Variants in FAM174A observed in about 807,000 individuals in gnomAD.
FAM174A encodes the protein family with sequence similarity 174 member A.
In FAM174A, 14 loss-of-function variants were observed where a neutral mutation model predicts 14.3. The observed-to-expected ratio is 0.98, with a 90% confidence interval of 0.65 to 1.53. FAM174A has a LOEUF of 1.53. FAM174A is among the 40% of genes most tolerant of loss of function. FAM174A has a pLI of 0.00. For synonymous variants in FAM174A, 108 were observed against 111.4 expected, an observed-to-expected ratio of 0.97 and a Z score of 0.19; for missense variants, 241 against 249.6, an observed-to-expected ratio of 0.97 and a Z score of 0.23.
chr5:100,566,140 T>TGATA (rs1178525666), intron 2 of FAM174A, among the ~76,000 whole-genome samples: 88 of 8,076 alleles, frequency 0.011, 4 homozygotes, highest in South Asian at 0.04. Context: ...TTGAAAAGTA[T>TGATA]GATATATATA....
intron 1 of FAM174A, among the ~76,000 whole-genome samples, chr5:100,547,005 G>A (rs1320146917): frequency 6.6e-6 from 1 of 151,928 alleles, no homozygotes; most frequent in Non-Finnish European, 1.5e-5. Flanking sequence ...ATGTTCCTGT[G>A]TGCATATATA....
At chr5:100,584,506 A>T (rs185041692) in intron 2 of FAM174A, among the ~76,000 whole-genome samples, 260 of 151,718 alleles carry the variant, frequency 1.7e-3, no homozygotes, top group Non-Finnish European at 2.3e-3. Context: ...TTTAAGCCAA[A>T]CCTCTTTCTG....
At chr5:100,560,314 G>A (rs1746498489) in intron 1 of FAM174A, among the ~76,000 whole-genome samples, 1 of 152,090 alleles carries the variant, frequency 6.6e-6, no homozygotes, top group Non-Finnish European at 1.5e-5. Flanking sequence ...ACATATACAT[G>A]TTAATGTAAC....
rs545921086 is a variant in FAM174A at position 100,568,969 on chromosome 5, A to G, written c.569+6781A>G. Among the ~76,000 whole-genome samples the G allele has an allele frequency of 2.2e-4, 34 of 151,954 alleles. No individual in the cohort carries two copies. In the East Asian group the frequency reaches 5.6e-3, roughly 25 times the overall value. The stretch of plus-strand genomic sequence containing the variant: ...TTTATTTTATAAGGAAAACACTAAC[A>G]TGCTTCCAAAAGTTAATACTATACA... On this transcript the variant is annotated intron_variant, in intron 2 of 2. Coordinates refer to ENST00000312637, the MANE Select transcript of FAM174A (RefSeq NM_198507.3).
intron 2 of FAM174A, among the ~76,000 whole-genome samples, chr5:100,569,838 A>G (rs1746739000): frequency 6.8e-6 from 1 of 146,900 alleles, no homozygotes; most frequent in African/African-American, 2.6e-5. Flanking sequence ...ATATATGGAG[A>G]TATATATATA....
At chr5:100,552,517 C>G (rs1377400530) in intron 1 of FAM174A, among the ~76,000 whole-genome samples, 1 of 151,802 alleles carries the variant, frequency 6.6e-6, no homozygotes, top group Non-Finnish European at 1.5e-5. Context: ...GTAGATACAG[C>G]AAATTACAGC....
At position 100,562,612 on chromosome 5, in the gene FAM174A, GTGTT is replaced by G. The variant is rs1005499550; in HGVS notation, c.569+428_569+431del. On this transcript the variant is annotated intron_variant, in intron 2 of 2. Coordinates refer to ENST00000312637, the MANE Select transcript of FAM174A (RefSeq NM_198507.3). ...TGTGCATGTGTGTTTGTGTGCGTGT[GTGTT>G]TGTGTGTGTGTGTGTGAGAGAGAAA... Among the ~76,000 whole-genome samples, 47 of 151,750 alleles carry G rather than the reference GTGTT, an allele frequency of 3.1e-4. No homozygotes were observed. The East Asian group carries it at 7.0e-3, about 23-fold the overall frequency.
At chr5:100,580,026 A>G (rs1174414061) in intron 2 of FAM174A, among the ~76,000 whole-genome samples, 1 of 152,220 alleles carries the variant, frequency 6.6e-6, no homozygotes, top group Non-Finnish European at 1.5e-5. Flanking sequence ...ACACAAAAAA[A>G]TTCGCTTCAG....
At chr5:100,574,430 C>T (rs748641464) in intron 2 of FAM174A, among the ~76,000 whole-genome samples, 4 of 152,044 alleles carry the variant, frequency 2.6e-5, no homozygotes, top group African/African-American at 7.2e-5. Flanking sequence ...TCAGGTGATC[C>T]ACCCGCCTCG....
At chr5:100,537,175 G>A (rs573820834) in intron 1 of FAM174A, among the ~76,000 whole-genome samples, 14 of 152,242 alleles carry the variant, frequency 9.2e-5, no homozygotes, top group East Asian at 3.9e-4. Context: ...ATATCTGTGC[G>A]AAGATGGAAT....
intron 1 of FAM174A, 104 bp downstream of exon 1, chr5:100,536,068 C>G: frequency 1.0e-6 from 1 of 1,001,960 alleles, no homozygotes; most frequent in Non-Finnish European, 1.4e-6. Flanking sequence ...TCCCCAGCAT[C>G]AGGGACTCCT....
chr5:100,581,435 T>C (rs1432731614), intron 2 of FAM174A: 16 of 962,906 alleles, frequency 1.7e-5, no homozygotes, highest in Non-Finnish European at 2.0e-5. Flanking sequence ...AGTTATTTTT[T>C]TAAAGATATA....
At position 100,535,838 on chromosome 5, in the gene FAM174A, G is replaced by T. The variant is rs1011149361; in HGVS notation, c.308G>T (p.Gly103Val). ...TDDHGGKAGE[G>V]SVGGGLAVSP... is the part of the protein sequence containing the mutation. ...GATCACGGAGGGAAGGCCGGGGAAG[G>T]CTCGGTGGGTGGCGGCCTTGCTGTG... Residue 103 changes from glycine (G) to valine (V), a missense_variant, in exon 1 of 3, where the codon GGC becomes GTC. Coordinates refer to ENST00000312637, the MANE Select transcript of FAM174A (RefSeq NM_198507.3). 2.5e-6 allele frequency: 4 copies of T among 1,611,642 alleles called. No individual in the cohort carries two copies. The highest frequency in any genetic ancestry group is 2.7e-5 in the African/African-American group (2 of 74,934).
intron 1 of FAM174A, among the ~76,000 whole-genome samples, chr5:100,556,748 G>C (rs1746393298): frequency 6.6e-6 from 1 of 152,110 alleles, no homozygotes; most frequent in Non-Finnish European, 1.5e-5. Flanking sequence ...CCGTTTGTCT[G>C]TTATTGATGT....
At chr5:100,562,616 TTGTG>T (rs964745497) in intron 2 of FAM174A, among the ~76,000 whole-genome samples, 7 of 149,906 alleles carry the variant, frequency 4.7e-5, no homozygotes, top group South Asian at 4.2e-4. Context: ...GCGTGTGTGT[TTGTG>T]TGTGTGTGTG....
At chr5:100,582,114 A>C (rs1477179895) in intron 2 of FAM174A, among the ~76,000 whole-genome samples, 2 of 152,156 alleles carry the variant, frequency 1.3e-5, no homozygotes. Context: ...ATGAAACTGC[A>C]ATTTTGATTT....
intron 2 of FAM174A, among the ~76,000 whole-genome samples, chr5:100,567,131 G>C (rs1746671842): frequency 6.6e-6 from 1 of 151,714 alleles, no homozygotes. Context: ...TTATAATAAT[G>C]GTAAAGCATG....
intron 1 of FAM174A, among the ~76,000 whole-genome samples, chr5:100,540,151 C>G (rs1445646896): frequency 6.6e-6 from 1 of 152,164 alleles, no homozygotes; most frequent in African/African-American, 2.4e-5. Context: ...TGTCTGGTTA[C>G]TTAAGAATAT....
intron 2 of FAM174A, among the ~76,000 whole-genome samples, chr5:100,579,470 G>A (rs964538619): frequency 6.6e-6 from 1 of 151,960 alleles, no homozygotes; most frequent in Non-Finnish European, 1.5e-5. Flanking sequence ...TGTCACCCAG[G>A]CTGGAGTGCG....
Sources: gnomAD v4.1 joint callset for allele counts (sites outside exome capture counted in the v4.1 genomes callset) on GRCh38, gnomAD v4.1.1 for gene constraint, MANE v1.5 for transcripts, NCBI Gene and HGNC (gene_info 2026-07-23, HGNC 2026-07-21) for gene names.